The following FAM135B variants were observed in gnomAD, a reference collection of about 807,000 sequenced individuals.
The protein encoded by FAM135B is family with sequence similarity 135 member B.
FAM135B carries 43 observed loss-of-function variants against 127.7 expected under a neutral mutation model. That is an observed-to-expected ratio of 0.34 (90% CI 0.26 to 0.43). The LOEUF (loss-of-function observed/expected upper bound fraction) is 0.43. Ranked by LOEUF, FAM135B falls within the 20% of genes least tolerant of loss-of-function variation. The probability of loss-of-function intolerance (pLI) is 1.00; values close to 1 mark genes in which losing one functional copy is unlikely to be tolerated. For synonymous variants in FAM135B, 670 were observed against 665.1 expected (o/e 1.01, Z -0.11); for missense variants, 1,558 against 1,725.6 (o/e 0.90, Z 1.72).
chr8:138,426,010 T>TATATATATATATATATATATATAC (rs1563992442), intron 1 of FAM135B, among the ~76,000 whole-genome samples: 2 of 16,204 alleles, frequency 1.2e-4, no homozygotes, highest in East Asian at 1.0e-3. Flanking sequence ...TATATATATA[T>TATATATATATATATATATATATAC]ATACACACAC....
At chr8:138,297,185 G>A (rs892833749) in intron 3 of FAM135B, among the ~76,000 whole-genome samples, 7 of 152,180 alleles carry the variant, frequency 4.6e-5, no homozygotes, top group Admixed American at 3.3e-4. Flanking sequence ...GGAAAGAAAG[G>A]AAGTCTACAC....
Position 138,284,733 on chromosome 8 carries a change from C to T in FAM135B, c.158-18891G>A, listed in dbSNP as rs911050801. Reference sequence around the variant, plus strand: ...CATCTCTTCCTCCCTGGAAAGTCTTCCCTAATCTCCTTAACGTGGTCAGAC... The same window carrying T: ...CATCTCTTCCTCCCTGGAAAGTCTTTCCTAATCTCCTTAACGTGGTCAGAC... On this transcript the variant is annotated intron_variant, in intron 3 of 19. Coordinates refer to ENST00000395297, the MANE Select transcript of FAM135B (RefSeq NM_015912.4). Among the ~76,000 whole-genome samples the T allele has an allele frequency of 3.3e-5, 5 of 152,118 alleles. No homozygotes were observed. The South Asian group carries it at 1.0e-3, about 32-fold the overall frequency.
chr8:138,450,119 A>G (rs901861884), intron 1 of FAM135B, among the ~76,000 whole-genome samples: 2 of 152,196 alleles, frequency 1.3e-5, no homozygotes. Context: ...TTTTCAGGCT[A>G]GTATCTTTCA....
intron 3 of FAM135B, among the ~76,000 whole-genome samples, chr8:138,296,153 C>T (rs7834971): frequency 0.92 from 140,632 of 152,286 alleles, 65,330 homozygotes; most frequent in South Asian, 0.97. Flanking sequence ...CTTGTCTTTT[C>T]CTCTTAATTC....
At chr8:138,166,367 T>A (rs975573291) in intron 12 of FAM135B, among the ~76,000 whole-genome samples, 1 of 152,222 alleles carries the variant, frequency 6.6e-6, no homozygotes, top group African/African-American at 2.4e-5. Context: ...ATTAACAAAC[T>A]CTGTGTGAAA....
At chr8:138,454,988 G>C (rs1836697716) in intron 1 of FAM135B, among the ~76,000 whole-genome samples, 1 of 152,242 alleles carries the variant, frequency 6.6e-6, no homozygotes. Flanking sequence ...TAAGATAACA[G>C]ATGAGCACTG....
At chr8:138,292,962 G>T (rs1033322546) in intron 3 of FAM135B, among the ~76,000 whole-genome samples, 1 of 152,058 alleles carries the variant, frequency 6.6e-6, no homozygotes, top group Non-Finnish European at 1.5e-5. Flanking sequence ...TAAGCATGAA[G>T]AACAAATCTA....
chr8:138,274,195 C>G lies in FAM135B; in HGVS notation c.158-8353G>C, dbSNP rs369301114. 2.0e-5 allele frequency among the ~76,000 whole-genome samples: 3 copies of G among 152,172 alleles called. No individual in the cohort carries two copies. In the East Asian group the frequency reaches 5.8e-4, roughly 29 times the overall value. On this transcript the variant is annotated intron_variant, in intron 3 of 19. Coordinates refer to ENST00000395297, the MANE Select transcript of FAM135B (RefSeq NM_015912.4). The stretch of plus-strand genomic sequence containing the variant: ...ATCGGGGAACCTGCCCCGATATTCA[C>G]GTAGGTTCTTTTCTATTTTCCTTAA...
Position 138,167,961 on chromosome 8 carries a change from T to C in FAM135B, c.1192A>G (p.Ile398Val), listed in dbSNP as rs1209472822. 1 of 1,613,926 alleles carries C rather than the reference T, an allele frequency of 6.2e-7. No individual in the cohort carries two copies. The highest frequency in any genetic ancestry group is 1.3e-5 in the African/African-American group (1 of 74,908). ...GGCAGGGTGTTCCAATCGCCGTCGA[T>C]GTCCAGGCACTCTGCAGGCAGCGGG... ...MPPLPAECLD[I>V]DGDWNTLPVI... is the part of the protein sequence containing the mutation. Residue 398 changes from isoleucine (I) to valine (V), a missense_variant, in exon 12 of 20, where the codon ATC becomes GTC. Around this residue, in one of 5 missense-constraint regions of FAM135B, gnomAD observed 115 missense variants for 171.1 expected, o/e 0.67. Coordinates refer to ENST00000395297, the MANE Select transcript of FAM135B (RefSeq NM_015912.4).
intron 6 of FAM135B, among the ~76,000 whole-genome samples, chr8:138,245,515 C>T (rs1821209562): frequency 6.6e-6 from 1 of 152,166 alleles, no homozygotes; most frequent in African/African-American, 2.4e-5. Flanking sequence ...CTCCTTGCTG[C>T]CGCCATGTGC....
At position 138,152,190 on chromosome 8, in the gene FAM135B, A is replaced by ACCTCCCGCTCATCCT. The variant is rs1266594570; in HGVS notation, c.2270_2284dup (p.Glu757_Glu761dup). The ACCTCCCGCTCATCCT allele has an allele frequency of 6.2e-7, 1 of 1,613,826 alleles. No homozygotes were observed. Among genetic ancestry groups the ACCTCCCGCTCATCCT allele is most frequent in the African/African-American group, 1.3e-5 (1 of 74,858 alleles). ...AGACTTGGTTAACTTAGTGAGTGCC[A>ACCTCCCGCTCATCCT]CCTCCCGCTCATCCTCCTCAAAAGG... On this transcript the variant is annotated inframe_insertion, in exon 13 of 20. Coordinates refer to ENST00000395297, the MANE Select transcript of FAM135B (RefSeq NM_015912.4).
At chr8:138,402,531 AC>A (rs1237805267) in intron 1 of FAM135B, among the ~76,000 whole-genome samples, 1 of 152,172 alleles carries the variant, frequency 6.6e-6, no homozygotes. Flanking sequence ...CTGGGACCAG[AC>A]CTTGCATTCA....
At chr8:138,135,509 C>A (rs1457246768) in intron 19 of FAM135B, among the ~76,000 whole-genome samples, 1 of 152,118 alleles carries the variant, frequency 6.6e-6, no homozygotes, top group Non-Finnish European at 1.5e-5. Flanking sequence ...AAGCAAATAT[C>A]TTTAAATTAA....
chr8:138,190,291 G>T (rs1331749477), intron 9 of FAM135B, among the ~76,000 whole-genome samples: 1 of 152,190 alleles, frequency 6.6e-6, no homozygotes. Flanking sequence ...TTGGTCAGGG[G>T]CATTCAGATG....
intron 1 of FAM135B, among the ~76,000 whole-genome samples, chr8:138,465,472 C>T (rs1055484481): frequency 2.0e-5 from 3 of 152,198 alleles, no homozygotes; most frequent in Admixed American, 6.5e-5. Flanking sequence ...ATGCTTTGTC[C>T]TTTTCACTGA....
At chr8:138,210,256 C>T (rs1818036484) in intron 7 of FAM135B, among the ~76,000 whole-genome samples, 1 of 152,152 alleles carries the variant, frequency 6.6e-6, no homozygotes, top group Non-Finnish European at 1.5e-5. Flanking sequence ...TTATACAAGG[C>T]ATTAAATTCC....
chr8:138,191,609 C>G (rs913671759), intron 9 of FAM135B, among the ~76,000 whole-genome samples: 28 of 152,254 alleles, frequency 1.8e-4, no homozygotes, highest in African/African-American at 6.5e-4. Context: ...ATGGTTGAGA[C>G]CTGAAGAACA....
At chr8:138,288,495 G>A (rs2130783443) in intron 3 of FAM135B, among the ~76,000 whole-genome samples, 1 of 152,212 alleles carries the variant, frequency 6.6e-6, no homozygotes, top group East Asian at 1.9e-4. Context: ...AGGAAGGTGG[G>A]GGAGACAGAG....
At chr8:138,145,093 C>A (rs754812853) in intron 15 of FAM135B, among the ~76,000 whole-genome samples, 6 of 152,110 alleles carry the variant, frequency 3.9e-5, no homozygotes, top group Admixed American at 1.3e-4. Flanking sequence ...CAGTTCACTG[C>A]AACCTTGACC....
Sources: allele counts gnomAD v4.1 joint callset (sites outside exome capture counted in the v4.1 genomes callset), GRCh38; gene constraint gnomAD v4.1.1; regional missense constraint gnomAD v4.1.1; transcripts MANE v1.5; gene names NCBI Gene and HGNC (gene_info 2026-07-23, HGNC 2026-07-21).